Variants in TMEFF2 observed in about 807,000 individuals in gnomAD.
TMEFF2 encodes tomoregulin-2.
A neutral mutation model predicts 53.8 loss-of-function variants in TMEFF2; 28 were observed. The observed-to-expected ratio is 0.52, with a 90% CI of 0.39 to 0.71. The LOEUF (loss-of-function observed/expected upper bound fraction) is 0.71, where lower values mean the gene tolerates loss of function less well. Among genes scored for constraint, TMEFF2 ranks in the 30% least tolerant of loss-of-function variants. The pLI is 0.00. For missense variants in TMEFF2, 353 were observed against 455.2 expected, an observed-to-expected ratio of 0.78 and a Z score of 2.04; for synonymous variants, 162 against 166.3, an observed-to-expected ratio of 0.97 and a Z score of 0.20.
chr2:192,193,060 A>G (rs1691502100), intron 1 of TMEFF2, among the ~76,000 whole-genome samples: 1 of 152,226 alleles, frequency 6.6e-6, no homozygotes, highest in Admixed American at 6.5e-5. Flanking sequence ...TCCTTTTGGC[A>G]TTTACATCAG....
chr2:191,985,346 GAACT>G (rs1347882810), intron 7 of TMEFF2, among the ~76,000 whole-genome samples: 1 of 151,988 alleles, frequency 6.6e-6, no homozygotes, highest in Non-Finnish European at 1.5e-5. Flanking sequence ...ATTTCAGTAG[GAACT>G]AACAAATCAC....
chr2:192,162,782 C>T lies in TMEFF2; in HGVS notation c.439+16886G>A, dbSNP rs114558265. The stretch of plus-strand genomic sequence containing the variant: ...CAAGACAAAACAGAAAATAACTCTT[C>T]TCACTTTAAAAGAATCTCTGTGAAA... On this transcript the variant is annotated intron_variant, in intron 4 of 9. Transcript: ENST00000272771. Among the ~76,000 whole-genome samples, 1,054 of 152,256 alleles carry T rather than the reference C, an allele frequency of 6.9e-3. 11 individuals are homozygous for T. The highest frequency in any genetic ancestry group is 0.022 in the African/African-American group (933 of 41,530).
intron 5 of TMEFF2, among the ~76,000 whole-genome samples, chr2:192,001,865 A>C (rs1686371714): frequency 6.6e-6 from 1 of 152,186 alleles, no homozygotes; most frequent in Non-Finnish European, 1.5e-5. Flanking sequence ...CTTTATCAGT[A>C]GGGTGAAAAC....
chr2:192,188,173 T>C (rs1391743224), intron 2 of TMEFF2, among the ~76,000 whole-genome samples: 4 of 152,244 alleles, frequency 2.6e-5, no homozygotes, highest in Non-Finnish European at 4.4e-5. Flanking sequence ...CTGTGATTTA[T>C]ATTTCCTTAA....
At chr2:192,069,982 GTGTGTGTATATATATATATATATATA>G (rs1412375837) in intron 4 of TMEFF2, among the ~76,000 whole-genome samples, 298 of 8,274 alleles carry the variant, frequency 0.036, 5 homozygotes, top group African/African-American at 0.077. Context: ...GTGTGTGTGT[GTGTGTGTATATATATATATATATATA>G]TATATATATA....
chr2:192,127,509 G>A (rs1253343835), intron 4 of TMEFF2, among the ~76,000 whole-genome samples: 1 of 152,092 alleles, frequency 6.6e-6, no homozygotes, highest in Non-Finnish European at 1.5e-5. Flanking sequence ...CAACAATGTA[G>A]CTATTTTTTG....
intron 8 of TMEFF2, among the ~76,000 whole-genome samples, chr2:191,955,819 A>ATC (rs1692065888): frequency 6.6e-6 from 1 of 152,084 alleles, no homozygotes; most frequent in Non-Finnish European, 1.5e-5. Context: ...GATATTTATG[A>ATC]GAAGACCTGA....
chr2:192,150,491 A>G (rs1399547792), intron 4 of TMEFF2, among the ~76,000 whole-genome samples: 2 of 151,828 alleles, frequency 1.3e-5, no homozygotes, highest in African/African-American at 4.8e-5. Context: ...AAAATCAGGG[A>G]TGTTTTTGGT....
chr2:192,087,818 T>C (rs1289651300), intron 4 of TMEFF2, among the ~76,000 whole-genome samples: 1 of 152,182 alleles, frequency 6.6e-6, no homozygotes, highest in Non-Finnish European at 1.5e-5. Flanking sequence ...CCTCTGTTAA[T>C]ACCTTTAAGA....
chr2:192,004,913 A>G (rs993956704), intron 5 of TMEFF2, among the ~76,000 whole-genome samples: 5 of 152,206 alleles, frequency 3.3e-5, no homozygotes, highest in African/African-American at 1.2e-4. Context: ...GACTGCACGA[A>G]TGCCTTTAAG....
intron 4 of TMEFF2, among the ~76,000 whole-genome samples, chr2:192,126,386 A>G (rs1254092854): frequency 6.6e-6 from 1 of 152,222 alleles, no homozygotes; most frequent in Non-Finnish European, 1.5e-5. Flanking sequence ...GACAGGTTAC[A>G]TAACAGAAAA....
intron 4 of TMEFF2, among the ~76,000 whole-genome samples, chr2:192,169,749 G>GA (rs1219692376): frequency 6.6e-6 from 1 of 152,006 alleles, no homozygotes; most frequent in Non-Finnish European, 1.5e-5. Flanking sequence ...ATTCACAATG[G>GA]AAAATCCACA....
chr2:191,984,070 T>C lies in TMEFF2; in HGVS notation c.745+14192A>G, dbSNP rs78512886. Among the ~76,000 whole-genome samples the C allele has an allele frequency of 5.1e-3, 782 of 152,288 alleles. 6 individuals carry two copies. The highest frequency in any genetic ancestry group is 0.018 in the African/African-American group (751 of 41,568). ...CATCTGCTGAAAATATTATGTTAAT[T>C]AAAGGTAATATAAGCTATGGAGGTA... is the stretch of plus-strand genomic sequence containing the variant. On this transcript the variant is annotated intron_variant, in intron 7 of 9. Coordinates refer to ENST00000272771, the MANE Select transcript of TMEFF2 (RefSeq NM_016192.4).
At chr2:192,089,223 T>A (rs185708875) in intron 4 of TMEFF2, among the ~76,000 whole-genome samples, 4 of 151,728 alleles carry the variant, frequency 2.6e-5, no homozygotes, top group Non-Finnish European at 4.4e-5. Flanking sequence ...CCTTTATTTT[T>A]AAATCCCTTT....
intron 7 of TMEFF2, among the ~76,000 whole-genome samples, chr2:191,976,905 A>G (rs1685743230): frequency 6.6e-6 from 1 of 152,092 alleles, no homozygotes; most frequent in South Asian, 2.1e-4. Flanking sequence ...CTTTTTTCCT[A>G]TCTGTGACCA....
intron 7 of TMEFF2, among the ~76,000 whole-genome samples, chr2:191,964,670 T>C (rs1383273972): frequency 6.6e-6 from 1 of 152,038 alleles, no homozygotes; most frequent in Non-Finnish European, 1.5e-5. Flanking sequence ...GTTTCCTTTA[T>C]TCCATTTACA....
At chr2:192,129,116 TTA>T (rs1356968061) in intron 4 of TMEFF2, among the ~76,000 whole-genome samples, 1 of 152,162 alleles carries the variant, frequency 6.6e-6, no homozygotes, top group Non-Finnish European at 1.5e-5. Flanking sequence ...TGGTGCCAGT[TTA>T]TGTTTCTGTG....
At chr2:191,977,963 A>T (rs950939026) in intron 7 of TMEFF2, among the ~76,000 whole-genome samples, 14 of 152,336 alleles carry the variant, frequency 9.2e-5, no homozygotes, top group African/African-American at 3.4e-4. Flanking sequence ...TTAATAACAG[A>T]AGATTGTGAA....
At chr2:192,094,482 C>G (rs971131600) in intron 4 of TMEFF2, among the ~76,000 whole-genome samples, 5 of 151,064 alleles carry the variant, frequency 3.3e-5, no homozygotes, top group Admixed American at 2.6e-4. Flanking sequence ...GGCCAGAGGA[C>G]AAAATATTCT....
Sources: gnomAD v4.1 joint callset for allele counts (sites outside exome capture counted in the v4.1 genomes callset) on GRCh38, gnomAD v4.1.1 for gene constraint, MANE v1.5 for transcripts, NCBI Gene and HGNC (gene_info 2026-07-23, HGNC 2026-07-21) for gene names.